Variants in TARBP1 observed in about 807,000 individuals in gnomAD.
The protein encoded by TARBP1 is tRNA guanosine 2 -O-methyltransferase TARBP1, also known as tRNA (guanosine(18)-2'-O)-methyltransferase TARBP1.
In TARBP1, 144 loss-of-function variants were observed where a neutral mutation model predicts 178.6. That is an observed-to-expected ratio of 0.81 (90% confidence interval 0.70 to 0.93). The LOEUF (loss-of-function observed/expected upper bound fraction) is 0.93. Among genes scored for constraint, TARBP1 ranks in the 40% least tolerant of loss-of-function variants. TARBP1 has a pLI of 0.00. For missense variants in TARBP1, 2,067 were observed against 2,011.7 expected (o/e 1.03, Z -0.53); for synonymous variants, 787 against 781.0 (o/e 1.01, Z -0.13).
chr1:234,417,471 T>C (rs1358208443), intron 22 of TARBP1, among the ~76,000 whole-genome samples: 1 of 152,220 alleles, frequency 6.6e-6, no homozygotes, highest in African/African-American at 2.4e-5. Context: ...GAAAGGTGCA[T>C]TTGGAAACCA....
intron 6 of TARBP1, among the ~76,000 whole-genome samples, chr1:234,461,490 T>C (rs1667856577): frequency 6.6e-6 from 1 of 152,134 alleles, no homozygotes. Flanking sequence ...GTATTTTTAG[T>C]AGAGACGGGG....
At chr1:234,422,318 G>T (rs565028412) in intron 20 of TARBP1, among the ~76,000 whole-genome samples, 1 of 152,094 alleles carries the variant, frequency 6.6e-6, no homozygotes, top group South Asian at 2.1e-4. Context: ...TCATGGCCAG[G>T]TACTACTGAA....
intron 9 of TARBP1, among the ~76,000 whole-genome samples, chr1:234,455,577 T>C (rs1667188516): frequency 6.6e-6 from 1 of 152,182 alleles, no homozygotes; most frequent in Admixed American, 6.5e-5. Context: ...TAATGAAAAC[T>C]TGCAAGGTAG....
intron 22 of TARBP1, among the ~76,000 whole-genome samples, chr1:234,413,127 G>T (rs557342205): frequency 1.4e-4 from 21 of 152,258 alleles, no homozygotes; most frequent in Admixed American, 1.2e-3. Context: ...TGCAGCTGAG[G>T]TGACAAATAT....
intron 28 of TARBP1, 63 bp downstream of exon 28, chr1:234,393,299 G>C: frequency 7.4e-7 from 1 of 1,355,458 alleles, no homozygotes; most frequent in East Asian, 2.5e-5. Context: ...TTTTATTTTA[G>C]GTTCACGGGT....
intron 14 of TARBP1, among the ~76,000 whole-genome samples, chr1:234,431,876 G>A (rs1319614206): frequency 5.3e-5 from 8 of 151,404 alleles, no homozygotes; most frequent in African/African-American, 1.2e-4. Flanking sequence ...GGTGGCTCAC[G>A]CCTGTAATCC....
At chr1:234,460,490 C>T (rs1050591570) in intron 6 of TARBP1, 94 bp from the exon 7 acceptor site, 1 of 1,302,728 alleles carries the variant, frequency 7.7e-7, no homozygotes, top group African/African-American at 1.5e-5. Flanking sequence ...AAGTCAAAAC[C>T]ATAGTAAGGC....
intron 1 of TARBP1, among the ~76,000 whole-genome samples, chr1:234,477,533 A>AT (rs1669677438): frequency 6.6e-6 from 1 of 152,378 alleles, no homozygotes; most frequent in Admixed American, 6.5e-5. Context: ...GTAACGTAAC[A>AT]ACTTGAAGGG....
At position 234,462,616 on chromosome 1, in the gene TARBP1, G is replaced by C. The variant is rs555425836; in HGVS notation, c.1399+1221C>G. 1.7e-4 allele frequency among the ~76,000 whole-genome samples: 26 copies of C among 150,694 alleles called. No homozygotes were observed. The South Asian group carries it at 5.0e-3, about 29-fold the overall frequency. On this transcript the variant is annotated intron_variant, in intron 6 of 29. Transcript: ENST00000040877. ...AGGCAGGAGAATCACTTGAACCCGG[G>C]AGGCGGAGGTTGCAGTGAGCTGAGA... is the stretch of plus-strand genomic sequence containing the variant.
At chr1:234,450,396 A>G (rs1666627092) in intron 10 of TARBP1, 32 bp downstream of exon 10, 12 of 1,532,148 alleles carry the variant, frequency 7.8e-6, no homozygotes, top group Middle Eastern at 1.7e-4. Flanking sequence ...TATTTTGGTT[A>G]TATCAATCCA....
chr1:234,412,580 G>A (rs975236750), intron 22 of TARBP1, among the ~76,000 whole-genome samples: 2 of 152,074 alleles, frequency 1.3e-5, no homozygotes, highest in African/African-American at 2.4e-5. Flanking sequence ...GAGGCAGGAG[G>A]ATCATTTGAG....
intron 29 of TARBP1, among the ~76,000 whole-genome samples, 138 bp downstream of exon 29, chr1:234,392,253 TTGAGCCAATGAGGCAGAGGTTGTAG>T (rs1180323906): frequency 6.6e-6 from 1 of 152,172 alleles, no homozygotes. Flanking sequence ...TGAAAATTGC[TTGAGCCAATGAGGCAGAGGTTGTAG>T]TGAGCCGAGA....
intron 4 of TARBP1, among the ~76,000 whole-genome samples, chr1:234,466,819 T>C (rs60380558): frequency 0.084 from 12,676 of 151,638 alleles, 922 homozygotes; most frequent in East Asian, 0.27. Flanking sequence ...GCCGAGATCA[T>C]GCCACTGCAC....
intron 1 of TARBP1, 40 bp from the exon 2 acceptor site, chr1:234,472,851 CA>C (rs747917990): frequency 6.9e-7 from 1 of 1,454,776 alleles, no homozygotes; most frequent in Admixed American, 2.1e-5. Context: ...CTTCCTTTTG[CA>C]AATTTCATAA....
chr1:234,441,902 G>A (rs1388548575), intron 12 of TARBP1, among the ~76,000 whole-genome samples: 1 of 152,094 alleles, frequency 6.6e-6, no homozygotes, highest in Non-Finnish European at 1.5e-5. Context: ...TTTTATGGCT[G>A]AGTATGTATA....
intron 14 of TARBP1, among the ~76,000 whole-genome samples, chr1:234,431,880 G>C (rs1168665057): frequency 1.3e-5 from 2 of 151,420 alleles, no homozygotes; most frequent in African/African-American, 4.9e-5. Context: ...GCTCACGCCT[G>C]TAATCCCAGC....
In TARBP1 at chr1:234,478,273, G is replaced by C. The variant is rs1669763055; in HGVS notation, c.831C>G (p.Asp277Glu). 2 of 1,591,298 alleles carry C rather than the reference G, an allele frequency of 1.3e-6. No individual in the cohort carries two copies. The highest frequency in any genetic ancestry group is 1.1e-5 in the South Asian group (1 of 89,592). The change falls in exon 1 of 30, where the codon GAC (aspartate) becomes GAG (glutamate). Residue 277 changes from aspartate to glutamate, a missense_variant. Transcript: ENST00000040877. ...AGCGCGCTCGCTTGCGCGTCAGGGC[G>C]TCCGCCTGGCCCAGCCCCGCCTGCA... ...RTVQAGLGQA[D>E]ALTRKRARYL...
intron 20 of TARBP1, among the ~76,000 whole-genome samples, chr1:234,421,410 A>C (rs1194135169): frequency 6.6e-6 from 1 of 152,166 alleles, no homozygotes; most frequent in Non-Finnish European, 1.5e-5. Flanking sequence ...AAATTAGAAG[A>C]GGGCCAAAAA....
Position 234,478,900 on chromosome 1 carries a change from G to C in TARBP1, c.204C>G (p.Tyr68Ter). Residue 68 changes from tyrosine to a stop codon, truncating the protein, a stop_gained, in exon 1 of 30, where the codon TAC (tyrosine) becomes TAG (stop). Coordinates refer to ENST00000040877, the MANE Select transcript of TARBP1 (RefSeq NM_005646.4). LOFTEE classifies it high-confidence loss of function. The stretch of plus-strand genomic sequence containing the variant: ...GCAGGCTCCGCAGCAGTGGCACGAG[G>C]TACCCTGCAGCCACCTCGCGCGCCG... ...PEAAREVAAG[Y>*]LVPLLRSLRG... is the part of the protein sequence containing the mutation. 7.1e-7 allele frequency: 1 copy of C among 1,401,086 alleles called. No homozygotes were observed. Among genetic ancestry groups the C allele is most frequent in the Non-Finnish European group, 9.2e-7 (1 of 1,085,578 alleles). The allele number at this position is 1,401,086 out of a possible 1,614,324, so 86.8% of individuals were successfully genotyped here. A position where few individuals can be genotyped will look rare whatever the true frequency, so the allele number is the denominator to read the frequency against.
Sources: allele counts gnomAD v4.1 joint callset (sites outside exome capture counted in the v4.1 genomes callset), GRCh38; gene constraint gnomAD v4.1.1; transcripts MANE v1.5; gene names NCBI Gene and HGNC (gene_info 2026-07-23, HGNC 2026-07-21).